Variants in XRN2 observed in about 807,000 individuals in gnomAD.
The protein encoded by XRN2 is DHM1-like protein.
A neutral mutation model predicts 138.5 loss-of-function variants in XRN2; 44 were observed. The observed-to-expected ratio is 0.32, with a 90% CI of 0.25 to 0.41. The LOEUF (loss-of-function observed/expected upper bound fraction) is 0.41, where lower values mean the gene tolerates loss of function less well. XRN2 is among the 10% of genes least tolerant of loss of function. The probability of loss-of-function intolerance (pLI) is 1.00; values close to 1 mark genes in which losing one functional copy is unlikely to be tolerated. For synonymous variants in XRN2, 354 were observed against 369.4 expected (o/e 0.96, Z 0.48); for missense variants, 937 against 1,169.3 (o/e 0.80, Z 2.90).
chr20:21,322,106 A>G (rs2038054318), intron 1 of XRN2, among the ~76,000 whole-genome samples: 1 of 152,218 alleles, frequency 6.6e-6, no homozygotes, highest in Non-Finnish European at 1.5e-5. Flanking sequence ...CTTAATTGTA[A>G]GTGGGATACT....
At chr20:21,350,853 A>T (rs962139264) in intron 20 of XRN2, among the ~76,000 whole-genome samples, 4 of 152,110 alleles carry the variant, frequency 2.6e-5, no homozygotes, top group Admixed American at 2.0e-4. Context: ...CAGTGGAATG[A>T]TCATGGAAGT....
intron 21 of XRN2, 29 bp from the exon 22 acceptor site, chr20:21,356,051 G>C: frequency 6.3e-7 from 1 of 1,577,218 alleles, no homozygotes; most frequent in Non-Finnish European, 8.6e-7. Flanking sequence ...TTTTTTATGT[G>C]TAGGTCTTAT....
chr20:21,377,883 C>A (rs1374919775), intron 27 of XRN2, among the ~76,000 whole-genome samples: 3 of 152,100 alleles, frequency 2.0e-5, no homozygotes, highest in Admixed American at 2.0e-4. Context: ...TAGGCTTGAC[C>A]AGGAAGGGGA....
At chr20:21,365,383 A>G (rs1297528058) in intron 24 of XRN2, 38 bp from the exon 25 acceptor site, 4 of 1,595,296 alleles carry the variant, frequency 2.5e-6, no homozygotes, top group Admixed American at 1.7e-5. Flanking sequence ...ACAGGCTGAT[A>G]TAATCAGATC....
chr20:21,354,863 C>G lies in XRN2; in HGVS notation c.2011C>G (p.Pro671Ala), dbSNP rs1440994192. ...AGAAGAGGTATACCCAGACCTCACT[C>G]CAGAAGAGAGTAAGAATTATACTTC... ...ALEEVYPDLT[P>A]EETRRNSLGG... The change falls in exon 21 of 30, where the codon CCA becomes GCA. Residue 671 changes from proline to alanine, a missense_variant. Pro to Ala is a conservative substitution (Grantham distance 27, BLOSUM62 -1). This residue lies in a region of XRN2 where 372 missense variants were observed against 414.4 expected (regional missense o/e 0.90). Coordinates refer to ENST00000377191, the MANE Select transcript of XRN2 (RefSeq NM_012255.5). 1.9e-6 allele frequency: 3 copies of G among 1,613,022 alleles called. No individual in the cohort carries two copies. Among genetic ancestry groups the G allele is most frequent in the Non-Finnish European group, 2.5e-6 (3 of 1,179,262 alleles).
At chr20:21,381,622 T>C (rs376244714) in intron 27 of XRN2, among the ~76,000 whole-genome samples, 1 of 152,320 alleles carries the variant, frequency 6.6e-6, no homozygotes, top group Admixed American at 6.5e-5. Context: ...ATTCTATTTA[T>C]GGAAAAGAAC....
At chr20:21,330,252 C>G (rs567135677) in intron 4 of XRN2, among the ~76,000 whole-genome samples, 54 of 152,162 alleles carry the variant, frequency 3.5e-4, no homozygotes, top group Middle Eastern at 3.4e-3. Flanking sequence ...CCACTGCACT[C>G]CAGCCTGGGT....
rs1385702832 is a variant in XRN2, at chr20:21,303,488, G to C, written c.75+15G>C. 32 of 1,536,630 alleles carry C rather than the reference G, an allele frequency of 2.1e-5. No homozygotes were observed. The highest frequency in any genetic ancestry group is 2.6e-5 in the Non-Finnish European group (30 of 1,142,990). On this transcript the variant is annotated intron_variant, in intron 1 of 29. Coordinates refer to ENST00000377191, the MANE Select transcript of XRN2 (RefSeq NM_012255.5). ...TGGAAGAGAAGGTGAGGAGGCGCCA[G>C]GCGGCCGCCACACTCGAGCCCGGGC...
At chr20:21,385,572 C>G (rs2038928866) in intron 28 of XRN2, among the ~76,000 whole-genome samples, 1 of 152,194 alleles carries the variant, frequency 6.6e-6, no homozygotes, top group Admixed American at 6.5e-5. Context: ...CAGCTACCAA[C>G]TGTAAAGAAA....
intron 16 of XRN2, 126 bp downstream of exon 16, chr20:21,344,334 A>C (rs1043912053): frequency 2.9e-6 from 2 of 700,176 alleles, no homozygotes; most frequent in African/African-American, 3.5e-5. Flanking sequence ...ATCCATCAGT[A>C]ATTAATGTGG....
At chr20:21,365,881 TTA>T (rs1391390877) in intron 26 of XRN2, among the ~76,000 whole-genome samples, 177 bp downstream of exon 26, 1 of 85,244 alleles carries the variant, frequency 1.2e-5, no homozygotes, top group Admixed American at 1.3e-4. Flanking sequence ...ATATATAATA[TTA>T]TATAATATAT....
intron 1 of XRN2, among the ~76,000 whole-genome samples, chr20:21,317,516 T>C (rs1285407987): frequency 6.6e-6 from 1 of 152,184 alleles, no homozygotes; most frequent in Admixed American, 6.5e-5. Context: ...AGTCCAGTCG[T>C]CTTGCAGTAT....
chr20:21,348,067 T>C, intron 17 of XRN2, 79 bp from the exon 18 acceptor site: 1 of 1,079,798 alleles, frequency 9.3e-7, no homozygotes, highest in Non-Finnish European at 1.2e-6. Flanking sequence ...AGGTTAACAG[T>C]CTAATTTTTG....
chr20:21,354,279 A>G (rs2038549334), intron 20 of XRN2, among the ~76,000 whole-genome samples: 1 of 152,226 alleles, frequency 6.6e-6, no homozygotes, highest in Admixed American at 6.5e-5. Context: ...AGGCTTTAAA[A>G]TGTAAAAAGA....
At position 21,321,256 on chromosome 20, in the gene XRN2, G is replaced by C. The variant is rs140001570; in HGVS notation, c.76-5023G>C. On this transcript the variant is annotated intron_variant, in intron 1 of 29. Coordinates refer to ENST00000377191, the MANE Select transcript of XRN2 (RefSeq NM_012255.5). ...TCCTGGGCTCAAGTGCTCTGTCTCG[G>C]TGTCCCGAATTGCTCTGATTATAGT... Among the ~76,000 whole-genome samples, 493 of 150,758 alleles carry C rather than the reference G, an allele frequency of 3.3e-3. 4 individuals are homozygous for C. Among genetic ancestry groups the C allele is most frequent in the African/African-American group, 0.012 (473 of 40,958 alleles).
At chr20:21,381,854 G>A (rs2038888784) in intron 27 of XRN2, 140 bp from the exon 28 acceptor site, 2 of 577,302 alleles carry the variant, frequency 3.5e-6, no homozygotes, top group Non-Finnish European at 5.6e-6. Context: ...CATTTGTGGT[G>A]TGTGTTATTA....
chr20:21,356,627 A>G lies in XRN2; in HGVS notation c.2160A>G (p.Gly720=), dbSNP rs2038578595. Residue 720 remains glycine (G), a synonymous_variant, in exon 23 of 30, where the codon GGA becomes GGG. Coordinates refer to ENST00000377191, the MANE Select transcript of XRN2 (RefSeq NM_012255.5). ...CTGAACTATGTCATGGGATTCAAGG[A>G]AAGTTTTCTTTGGATGAAGAAGCCA... ...VPPELCHGIQ[G]KFSLDEEAIL... 1 of 1,613,666 alleles carries G rather than the reference A, an allele frequency of 6.2e-7. No homozygotes were observed. Among genetic ancestry groups the G allele is most frequent in the African/African-American group, 1.3e-5 (1 of 74,904 alleles).
In XRN2 at chr20:21,389,799, AAAAAT is replaced by A. The variant is rs1316668274; in HGVS notation, c.*465_*469del. 6.5e-6 allele frequency: 1 copy of A among 152,754 alleles called. No homozygotes were observed. The highest frequency in any genetic ancestry group is 1.5e-5 in the Non-Finnish European group (1 of 68,114). 9.5% of individuals were successfully genotyped at this position (152,754 alleles called of 1,614,324 possible). A position where few individuals can be genotyped will look rare whatever the true frequency, so the allele number is the denominator to read the frequency against. On this transcript the variant is annotated 3_prime_UTR_variant, in exon 30 of 30. Coordinates refer to ENST00000377191, the MANE Select transcript of XRN2 (RefSeq NM_012255.5). Reference sequence around the variant, plus strand: ...CAGAAATTTCTGAACTTTAGTAAAAAAAAATAAAGTTAAACTTTTAAAACTCTGTT... The same window carrying A: ...CAGAAATTTCTGAACTTTAGTAAAAAAAAGTTAAACTTTTAAAACTCTGTT...
chr20:21,348,503 T>A, intron 19 of XRN2, 73 bp downstream of exon 19: 1 of 1,363,862 alleles, frequency 7.3e-7, no homozygotes, highest in Non-Finnish European at 1.0e-6. Context: ...TTACAATTGC[T>A]TTTGCAGCTG....
Sources: gnomAD v4.1 joint callset for allele counts (sites outside exome capture counted in the v4.1 genomes callset) on GRCh38, gnomAD v4.1.1 for gene constraint, gnomAD v4.1.1 regional missense constraint, MANE v1.5 for transcripts, NCBI Gene and HGNC (gene_info 2026-07-23, HGNC 2026-07-21) for gene names.